CACNA1G: variants seen among roughly 807,000 people sequenced by gnomAD.
The protein encoded by CACNA1G is calcium voltage-gated channel subunit alpha1 G, also known as voltage-dependent T-type calcium channel subunit alpha-1G.
CACNA1G carries 67 observed loss-of-function variants against 219.4 expected under a neutral mutation model. The ratio of observed to expected loss-of-function variants is 0.31; its 90% CI spans 0.25 to 0.37. CACNA1G has a LOEUF of 0.37. Among genes scored for constraint, CACNA1G ranks in the 10% least tolerant of loss-of-function variants. CACNA1G has a pLI of 1.00. For synonymous variants in CACNA1G, 1,296 were observed against 1,345.3 expected (o/e 0.96, Z 0.80); for missense variants, 2,380 against 3,231.4 (o/e 0.74, Z 6.39).
At chr17:50,612,479 T>C (rs768390411) in intron 26 of CACNA1G, among the ~76,000 whole-genome samples, 1 of 152,228 alleles carries the variant, frequency 6.6e-6, no homozygotes, top group African/African-American at 2.4e-5. Context: ...CTTGGCCACC[T>C]GTGGCGTCGA....
chr17:50,561,413 G>T lies in CACNA1G; in HGVS notation c.-47G>T, dbSNP rs1379065981. ...CGTGAGGACACCTCCTCTGAGGGGC[G>T]CCGCTTGCCCCTCTCCGGATCGCCC... On this transcript the variant is annotated 5_prime_UTR_variant, in exon 1 of 38. Transcript: ENST00000359106. 1 of 1,532,680 alleles carries T rather than the reference G, an allele frequency of 6.5e-7. No homozygotes were observed. The highest frequency in any genetic ancestry group is 8.7e-7 in the Non-Finnish European group (1 of 1,146,184). 94.9% of individuals were successfully genotyped at this position (1,532,680 alleles called of 1,614,324 possible). A position where few individuals can be genotyped will look rare whatever the true frequency, so the allele number is the denominator to read the frequency against.
At chr17:50,590,681 G>C in intron 10 of CACNA1G, 59 bp downstream of exon 10, 2 of 1,537,610 alleles carry the variant, frequency 1.3e-6, no homozygotes, top group Non-Finnish European at 1.8e-6. Flanking sequence ...GGTGGCTTGG[G>C]GCCAGGGGCC....
intron 35 of CACNA1G, among the ~76,000 whole-genome samples, chr17:50,622,065 G>C (rs2052254539): frequency 6.6e-6 from 1 of 152,156 alleles, no homozygotes; most frequent in South Asian, 2.1e-4. Flanking sequence ...TTATGAAAAA[G>C]TGAATCCAGA....
intron 25 of CACNA1G, 127 bp downstream of exon 25, chr17:50,608,146 C>T (rs530162258): frequency 1.9e-5 from 14 of 743,098 alleles, no homozygotes; most frequent in African/African-American, 1.1e-4. Context: ...CTCCCACCCC[C>T]CTCCTCACCT....
In CACNA1G at chr17:50,561,632, C is replaced by T. The variant is rs1452842845; in HGVS notation, c.173C>T (p.Pro58Leu). ...GGGCTGCCGTACCCGGCGCTGGCCCCGGTGGTTTTCTTCTACTTGAGCCAG... is the reference window on the plus strand; with the variant it reads ...GGGCTGCCGTACCCGGCGCTGGCCCTGGTGGTTTTCTTCTACTTGAGCCAG... ...AEGLPYPALAPVVFFYLSQDS... is the reference protein window; with the variant it reads ...AEGLPYPALALVVFFYLSQDS... Residue 58 changes from proline to leucine, a missense_variant, in exon 1 of 38, where the codon CCG becomes CTG. Pro to Leu is a moderately conservative substitution (Grantham distance 98). This residue lies in a region of CACNA1G where 98 missense variants were observed against 85.5 expected (regional missense o/e 1.15). Coordinates refer to ENST00000359106, the MANE Select transcript of CACNA1G (RefSeq NM_018896.5). 6.2e-7 allele frequency: 1 copy of T among 1,604,002 alleles called. No homozygotes were observed. Among genetic ancestry groups the T allele is most frequent in the Non-Finnish European group, 8.5e-7 (1 of 1,176,260 alleles).
intron 23 of CACNA1G, 109 bp from the exon 24 acceptor site, chr17:50,606,791 A>G: frequency 2.6e-6 from 2 of 759,208 alleles, no homozygotes; most frequent in Non-Finnish European, 4.7e-6. Context: ...TGACCCCTCA[A>G]GGGCTGGGGT....
intron 14 of CACNA1G, among the ~76,000 whole-genome samples, chr17:50,595,860 C>T (rs552916162): frequency 1.3e-4 from 20 of 152,216 alleles, no homozygotes; most frequent in South Asian, 1.0e-3. Context: ...TGCCAATTAC[C>T]CAATATTTAT....
At chr17:50,602,013 G>C (rs2046778452) in intron 19 of CACNA1G, among the ~76,000 whole-genome samples, 1 of 152,150 alleles carries the variant, frequency 6.6e-6, no homozygotes, top group Admixed American at 6.5e-5. Flanking sequence ...GCGGGTGAGA[G>C]AGCACCCGCA....
chr17:50,606,207 AG>A (rs1567712875), intron 23 of CACNA1G, 184 bp downstream of exon 23: 2 of 877,750 alleles, frequency 2.3e-6, no homozygotes, highest in Non-Finnish European at 3.9e-6. Flanking sequence ...TGCCCCAAAA[AG>A]TGGGCCCATG....
Position 50,626,516 on chromosome 17 carries a change from G to A in CACNA1G, c.6899G>A (p.Ser2300Asn). ...LGGQPLGGPGSRPKKKLSPPS... is the reference protein window; with the variant it reads ...LGGQPLGGPGNRPKKKLSPPS... ...GGCCAGCCTCTTGGGGGGCCTGGGA[G>A]CCGGCCCAAGAAAAAACTCAGCCCG... The change falls in exon 38 of 38, where the codon AGC (serine) becomes AAC (asparagine). Residue 2300 changes from serine (S) to asparagine (N), a missense_variant. By Grantham distance (46) the Ser-to-Asn change is conservative. Coordinates refer to ENST00000359106, the MANE Select transcript of CACNA1G (RefSeq NM_018896.5). This position sits in a 1 kb window ranked among gnomAD's most constrained non-coding sequence, Gnocchi z 4.3. 1 of 1,572,458 alleles carries A rather than the reference G, an allele frequency of 6.4e-7. No homozygotes were observed. The highest frequency in any genetic ancestry group is 8.6e-7 in the Non-Finnish European group (1 of 1,161,318).
At position 50,626,543 on chromosome 17, in the gene CACNA1G, C is replaced by CT; in HGVS notation, c.6927dup (p.Ser2310Ter). The CT allele has an allele frequency of 6.3e-7, 1 of 1,578,494 alleles. No individual in the cohort carries two copies. The highest frequency in any genetic ancestry group is 8.6e-7 in the Non-Finnish European group (1 of 1,164,388). On this transcript the variant is annotated frameshift_variant, in exon 38 of 38. Transcript: ENST00000359106. LOFTEE classifies it high-confidence loss of function. This position sits in a 1 kb window ranked among gnomAD's most constrained non-coding sequence, Gnocchi z 4.3. ...CGGCCCAAGAAAAAACTCAGCCCGC[C>CT]TAGTATCACCATAGACCCCCCCGAG...
rs775958562 is a variant in CACNA1G at position 50,621,822 on chromosome 17, C to CG, written c.6060+30dup. 1.9e-6 allele frequency: 3 copies of CG among 1,611,100 alleles called. No individual in the cohort carries two copies. The African/African-American group carries it at 4.0e-5, about 22-fold the overall frequency. ...ACATACACACTGCCCTCACTGCTCC[C>CG]GGCCACCCCCGGGGCTGGACTGGCT... is the stretch of plus-strand genomic sequence containing the variant. On this transcript the variant is annotated intron_variant, in intron 35 of 37. Transcript: ENST00000359106. This position sits in a 1 kb window ranked among gnomAD's most constrained non-coding sequence, Gnocchi z 4.6.
chr17:50,600,922 CCCTG>C lies in CACNA1G; in HGVS notation c.3791+101_3791+104del. Reference sequence around the variant, plus strand: ...GCTGTCAGGGATTTGAGAAGTGGCACCCTGCCTGGGGTGTGAGCAGGGTGGCCTC... The same window carrying C: ...GCTGTCAGGGATTTGAGAAGTGGCACCCTGGGGTGTGAGCAGGGTGGCCTC... On this transcript the variant is annotated intron_variant, in intron 18 of 37. Transcript: ENST00000359106. The surrounding 1 kb of genome is among the most constrained non-coding windows in gnomAD (Gnocchi z 4.1). 1 of 1,564,946 alleles carries C rather than the reference CCCTG, an allele frequency of 6.4e-7. No homozygotes were observed. The highest frequency in any genetic ancestry group is 8.8e-7 in the Non-Finnish European group (1 of 1,139,822).
Position 50,608,034 on chromosome 17 carries a change from A to G in CACNA1G, c.4705+15A>G. Reference sequence around the variant, plus strand: ...AAAGAGAAGGAGTAAGGAGAAGCAGATGGCTGGTCGGTAGTCTTTCCACCT... The same window carrying G: ...AAAGAGAAGGAGTAAGGAGAAGCAGGTGGCTGGTCGGTAGTCTTTCCACCT... On this transcript the variant is annotated intron_variant, in intron 25 of 37. Transcript: ENST00000359106. 1.9e-6 allele frequency: 3 copies of G among 1,591,374 alleles called. No homozygotes were observed. The highest frequency in any genetic ancestry group is 2.6e-6 in the Non-Finnish European group (3 of 1,168,518).
At chr17:50,566,306 A>AC (rs35295889) in intron 1 of CACNA1G, among the ~76,000 whole-genome samples, 19,678 of 138,084 alleles carry the variant, frequency 0.14, 1,262 homozygotes, top group Non-Finnish European at 0.17. Flanking sequence ...AGGGTGAAAG[A>AC]CCCCCCCCCC....
intron 22 of CACNA1G, 105 bp from the exon 23 acceptor site, chr17:50,605,793 A>G: frequency 1.6e-6 from 2 of 1,256,872 alleles, no homozygotes; most frequent in Non-Finnish European, 2.3e-6. Flanking sequence ...AGCACCCCAC[A>G]CTCACTCAAA....
intron 16 of CACNA1G, among the ~76,000 whole-genome samples, chr17:50,598,572 AGGACAC>A (rs1170095396): frequency 6.6e-6 from 1 of 152,260 alleles, no homozygotes; most frequent in African/African-American, 2.4e-5. Context: ...TTCCACCAAC[AGGACAC>A]AAGGGTTCCC....
chr17:50,619,612 C>T, intron 33 of CACNA1G, 71 bp from the exon 34 acceptor site: 1 of 1,466,892 alleles, frequency 6.8e-7, no homozygotes, highest in Non-Finnish European at 9.3e-7. Context: ...CCTTCCACGA[C>T]ACTTCCCATC....
rs375464264 is a variant in CACNA1G at position 50,618,738 on chromosome 17, G to C, written c.5511G>C (p.Thr1837=). Residue 1837 remains threonine (T), a synonymous_variant, in exon 33 of 38, where the codon ACG becomes ACC. Coordinates refer to ENST00000359106, the MANE Select transcript of CACNA1G (RefSeq NM_018896.5). This position sits in a 1 kb window ranked among gnomAD's most constrained non-coding sequence, Gnocchi z 5.3. ...TCTACTTTGTGTCCTTCGTGCTGACGGCCCAGTTCGTGCTAGTCAACGTGG... is the reference window on the plus strand; with the variant it reads ...TCTACTTTGTGTCCTTCGTGCTGACCGCCCAGTTCGTGCTAGTCAACGTGG... ...SPIYFVSFVL[T]AQFVLVNVVI... 17 of 1,613,824 alleles carry C rather than the reference G, an allele frequency of 1.1e-5. No homozygotes were observed. The highest frequency in any genetic ancestry group is 1.4e-5 in the Non-Finnish European group (17 of 1,179,892).
Sources: gnomAD v4.1 joint callset for allele counts (sites outside exome capture counted in the v4.1 genomes callset) on GRCh38, gnomAD v4.1.1 for gene constraint, gnomAD v4.1.1 regional missense constraint, Gnocchi (gnomAD v3.1) non-coding constraint, MANE v1.5 for transcripts, NCBI Gene and HGNC (gene_info 2026-07-23, HGNC 2026-07-21) for gene names.